Variants in PTPRM observed in about 807,000 individuals in gnomAD.
The protein encoded by PTPRM is receptor-type tyrosine-protein phosphatase mu.
A neutral mutation model predicts 186.7 loss-of-function variants in PTPRM; 47 were observed. The observed-to-expected ratio is 0.25, with a 90% CI of 0.20 to 0.32. The LOEUF (loss-of-function observed/expected upper bound fraction) is 0.32. Ranked by LOEUF, PTPRM falls within the 10% of genes least tolerant of loss-of-function variation. The pLI is 1.00. For synonymous variants in PTPRM, 668 were observed against 674.9 expected (o/e 0.99, Z 0.16); for missense variants, 1,494 against 1,865.0 (o/e 0.80, Z 3.66).
At position 7,995,282 on chromosome 18, in the gene PTPRM, A is replaced by G. The variant is rs140763738; in HGVS notation, c.1132+39868A>G. 7.9e-3 allele frequency among the ~76,000 whole-genome samples: 1,209 copies of G among 152,300 alleles called. 10 individuals are homozygous for G. The highest frequency in any genetic ancestry group is 0.011 in the Non-Finnish European group (724 of 68,020). ...TTAGCAATGAGATTGAATCAGTAAT[A>G]AAAAGCCTCCCAACAAAGAAAAGCC... is the stretch of plus-strand genomic sequence containing the variant. On this transcript the variant is annotated intron_variant, in intron 7 of 32. Coordinates refer to ENST00000580170, the MANE Select transcript of PTPRM (RefSeq NM_001105244.2).
At chr18:8,224,401 CTTATTG>C (rs756486046) in intron 14 of PTPRM, among the ~76,000 whole-genome samples, 25 of 152,148 alleles carry the variant, frequency 1.6e-4, no homozygotes, top group Non-Finnish European at 3.2e-4. Flanking sequence ...AAAAATCAGC[CTTATTG>C]TTATGTTTTG....
At chr18:7,898,483 C>T (rs1396479379) in intron 3 of PTPRM, among the ~76,000 whole-genome samples, 3 of 152,184 alleles carry the variant, frequency 2.0e-5, no homozygotes, top group Non-Finnish European at 4.4e-5. Context: ...TGCATTTCTC[C>T]TGTTTGGCAG....
chr18:8,254,713 G>A (rs1438203756), intron 19 of PTPRM, among the ~76,000 whole-genome samples: 1 of 152,182 alleles, frequency 6.6e-6, no homozygotes, highest in African/African-American at 2.4e-5. Context: ...CCCAGACACT[G>A]CATTGTCTTG....
At chr18:8,136,940 CA>C (rs2146019201) in intron 13 of PTPRM, among the ~76,000 whole-genome samples, 1 of 152,186 alleles carries the variant, frequency 6.6e-6, no homozygotes, top group East Asian at 1.9e-4. Context: ...CACACACACA[CA>C]AAAGGAAAAT....
At chr18:8,398,127 C>A (rs946211985) in intron 32 of PTPRM, among the ~76,000 whole-genome samples, 22 of 152,270 alleles carry the variant, frequency 1.4e-4, no homozygotes, top group African/African-American at 4.6e-4. Flanking sequence ...GGCATGCAAC[C>A]ATGCCTGGCT....
intron 2 of PTPRM, among the ~76,000 whole-genome samples, chr18:7,782,444 C>T (rs985867617): frequency 1.3e-5 from 2 of 152,174 alleles, no homozygotes; most frequent in African/African-American, 4.8e-5. Context: ...ATATACATAG[C>T]GTCAAATTTA....
chr18:7,664,763 A>G (rs2144418637), intron 1 of PTPRM, among the ~76,000 whole-genome samples: 1 of 152,332 alleles, frequency 6.6e-6, no homozygotes, highest in African/African-American at 2.4e-5. Context: ...GGACCCAGCC[A>G]GGTTCAAGGG....
Position 8,207,793 on chromosome 18 carries a change from T to C in PTPRM, c.2301-36265T>C, listed in dbSNP as rs12605817. On this transcript the variant is annotated intron_variant, in intron 14 of 32. Transcript: ENST00000580170. ...ATTGAGACAGAAAAAATAAAATAGG[T>C]AGAGTGGAGTCCCAAAGAGAGGGAC... is the stretch of plus-strand genomic sequence containing the variant. 5.6e-3 allele frequency among the ~76,000 whole-genome samples: 849 copies of C among 152,252 alleles called. 18 individuals carry two copies. Among genetic ancestry groups the C allele is most frequent in the Admixed American group, 0.044 (666 of 15,288 alleles).
intron 3 of PTPRM, 97 bp from the exon 4 acceptor site, chr18:7,906,408 G>A: frequency 1.1e-6 from 1 of 911,384 alleles, no homozygotes; most frequent in Non-Finnish European, 1.8e-6. Flanking sequence ...ATGAATTGGT[G>A]AAAGAATAAA....
At chr18:7,716,074 C>G (rs1339144168) in intron 1 of PTPRM, among the ~76,000 whole-genome samples, 1 of 152,098 alleles carries the variant, frequency 6.6e-6, no homozygotes, top group Non-Finnish European at 1.5e-5. Context: ...GCAAAAAGAA[C>G]AAAGCTGGAG....
intron 1 of PTPRM, among the ~76,000 whole-genome samples, chr18:7,642,726 C>T (rs1052449487): frequency 1.9e-4 from 29 of 151,648 alleles, no homozygotes; most frequent in African/African-American, 7.0e-4. Context: ...TGTGGTCGCG[C>T]TAACGTTTAT....
intron 24 of PTPRM, among the ~76,000 whole-genome samples, chr18:8,374,913 G>A (rs8089060): frequency 0.025 from 3,740 of 152,306 alleles, 64 homozygotes; most frequent in African/African-American, 0.048. Context: ...TGAAAGTGAT[G>A]AGGTTAATGA....
At position 8,067,305 on chromosome 18, in the gene PTPRM, A is replaced by G. The variant is rs2089157950; in HGVS notation, c.1133-2381A>G. 2.0e-5 allele frequency among the ~76,000 whole-genome samples: 3 copies of G among 152,240 alleles called. No homozygotes were observed. The South Asian group carries it at 6.2e-4, about 32-fold the overall frequency. On this transcript the variant is annotated intron_variant, in intron 7 of 32. Coordinates refer to ENST00000580170, the MANE Select transcript of PTPRM (RefSeq NM_001105244.2). ...ATGAACATTCAACTAATGAAGCATTATATAAAATTAGACATTTCCGTTAAG... is the reference window on the plus strand; with the variant it reads ...ATGAACATTCAACTAATGAAGCATTGTATAAAATTAGACATTTCCGTTAAG...
At chr18:7,755,442 T>G (rs1470437828) in intron 1 of PTPRM, among the ~76,000 whole-genome samples, 1 of 152,156 alleles carries the variant, frequency 6.6e-6, no homozygotes, top group Non-Finnish European at 1.5e-5. Flanking sequence ...GGGGTATGGA[T>G]AAGGGTGGTC....
chr18:8,379,765 G>A (rs774969608), intron 28 of PTPRM, among the ~76,000 whole-genome samples: 13 of 152,188 alleles, frequency 8.5e-5, no homozygotes, highest in Admixed American at 5.2e-4. Flanking sequence ...TTCCGTTGAT[G>A]CAAAGAGTGA....
At chr18:8,000,055 A>G (rs1394754457) in intron 7 of PTPRM, among the ~76,000 whole-genome samples, 2 of 152,218 alleles carry the variant, frequency 1.3e-5, no homozygotes, top group Non-Finnish European at 2.9e-5. Context: ...GGGAATTACC[A>G]GTCTCTTTGT....
chr18:8,232,202 T>G (rs1260061310), intron 14 of PTPRM, among the ~76,000 whole-genome samples: 1 of 152,244 alleles, frequency 6.6e-6, no homozygotes, highest in East Asian at 1.9e-4. Context: ...TTGCATTTTT[T>G]GCCATTATGT....
chr18:7,626,860 A>G (rs1342791370), intron 1 of PTPRM, among the ~76,000 whole-genome samples: 2 of 152,098 alleles, frequency 1.3e-5, no homozygotes, highest in South Asian at 2.1e-4. Flanking sequence ...CTGTGTAAAC[A>G]TTTTAAAAAT....
At chr18:8,071,752 A>G (rs760635552) in intron 8 of PTPRM, among the ~76,000 whole-genome samples, 9 of 151,954 alleles carry the variant, frequency 5.9e-5, no homozygotes, top group Non-Finnish European at 1.0e-4. Flanking sequence ...AAGCTCGCCT[A>G]CTCTGCTACC....
Sources: gnomAD v4.1 joint callset for allele counts (sites outside exome capture counted in the v4.1 genomes callset) on GRCh38, gnomAD v4.1.1 for gene constraint, MANE v1.5 for transcripts, NCBI Gene and HGNC (gene_info 2026-07-23, HGNC 2026-07-21) for gene names.